Variants in ZFHX3 observed in about 807,000 individuals in gnomAD.
The protein encoded by ZFHX3 is zinc finger homeobox protein 3.
A neutral mutation model predicts 279.1 loss-of-function variants in ZFHX3; 42 were observed. The ratio of observed to expected loss-of-function variants is 0.15; its 90% CI spans 0.12 to 0.19. The LOEUF (loss-of-function observed/expected upper bound fraction) is 0.19. ZFHX3 is among the 10% of genes least tolerant of loss of function. The probability of loss-of-function intolerance (pLI) is 1.00; values close to 1 mark genes in which losing one functional copy is unlikely to be tolerated. For synonymous variants in ZFHX3, 2,293 were observed against 1,957.8 expected, an observed-to-expected ratio of 1.17 and a Z score of -4.52; for missense variants, 4,981 against 4,754.0, an observed-to-expected ratio of 1.05 and a Z score of -1.40.
intron 3 of ZFHX3, chr16:73,318,434 G>A (rs922730354): frequency 6.6e-6 from 1 of 152,112 alleles, no homozygotes; most frequent in East Asian, 1.9e-4. Context: ...CCCATACAGT[G>A]TAGAGCACTG....
intron 1 of ZFHX3, among the ~76,000 whole-genome samples, chr16:73,053,592 T>C (rs1965489438): frequency 6.6e-6 from 1 of 152,138 alleles, no homozygotes; most frequent in South Asian, 2.1e-4. Context: ...GATGAATCAC[T>C]GCGTGCCATG....
rs1176998641 is a variant in ZFHX3 at position 72,795,657 on chromosome 16, T to C, written c.7025A>G (p.Asp2342Gly). 3 of 1,613,918 alleles carry C rather than the reference T, an allele frequency of 1.9e-6. No individual in the cohort carries two copies. The highest frequency in any genetic ancestry group is 1.3e-5 in the African/African-American group (1 of 74,906). The change falls in exon 9 of 10, where the codon GAT becomes GGT. Residue 2342 changes from aspartate (D) to glycine (G), a missense_variant. Asp to Gly is a moderately conservative substitution (Grantham distance 94, BLOSUM62 -1). This residue lies in a region of ZFHX3 where 744 missense variants were observed against 701.3 expected (regional missense o/e 1.06). Coordinates refer to ENST00000268489, the MANE Select transcript of ZFHX3 (RefSeq NM_006885.4). ...CAGCTTCTTCTGGTGCTTGATGAGA[T>C]CAAAGATGCGCTGAAACACCAGGCT... Reference protein sequence around the residue: ...KCSLVFQRIFDLIKHQKKLCY... With the variant: ...KCSLVFQRIFGLIKHQKKLCY...
rs143652574 is a variant in ZFHX3, at chr16:73,249,824, TCA to T, written c.-1104+7221_-1104+7222del. Among the ~76,000 whole-genome samples the T allele has an allele frequency of 1.9e-3, 279 of 148,664 alleles. 1 individual carries two copies. The highest frequency in any genetic ancestry group is 6.3e-3 in the African/African-American group (252 of 40,234). On this transcript the variant is annotated intron_variant, in intron 5 of 17. Transcript: ENST00000641206. ...TGGGCAAATGAATTGAACAGGCACT[TCA>T]CACACACACACACACACACACACAA...
At chr16:73,565,149 G>T (rs549145768) in intron 2 of ZFHX3, among the ~76,000 whole-genome samples, 4 of 152,000 alleles carry the variant, frequency 2.6e-5, no homozygotes, top group Non-Finnish European at 5.9e-5. Context: ...AGCTATTCGG[G>T]AGGCTGAGAC....
intron 2 of ZFHX3, among the ~76,000 whole-genome samples, chr16:73,596,197 A>G (rs1408809714): frequency 6.6e-6 from 1 of 151,492 alleles, no homozygotes; most frequent in Non-Finnish European, 1.5e-5. Context: ...AATTTTTCGT[A>G]TTTTTAGTAG....
At chr16:73,085,033 G>T (rs946282494) in intron 8 of ZFHX3, among the ~76,000 whole-genome samples, 2 of 151,470 alleles carry the variant, frequency 1.3e-5, no homozygotes, top group Non-Finnish European at 2.9e-5. Flanking sequence ...ATTCTGCACA[G>T]AAATAGAAAA....
intron 4 of ZFHX3, among the ~76,000 whole-genome samples, chr16:73,317,815 C>A (rs2015488343): frequency 6.6e-6 from 1 of 152,138 alleles, no homozygotes; most frequent in African/African-American, 2.4e-5. Context: ...CAGGTTCACG[C>A]ATGGAGATGA....
intron 5 of ZFHX3, among the ~76,000 whole-genome samples, chr16:72,827,381 T>A (rs1007363991): frequency 1.3e-5 from 2 of 152,080 alleles, no homozygotes; most frequent in Non-Finnish European, 2.9e-5. Context: ...CAGAAATAGG[T>A]ACTATTTTTA....
intron 3 of ZFHX3, among the ~76,000 whole-genome samples, chr16:73,422,432 G>C (rs2017735398): frequency 1.3e-5 from 2 of 152,164 alleles, no homozygotes; most frequent in African/African-American, 2.4e-5. Flanking sequence ...GGGCCACCCT[G>C]TCTATCCATT....
At chr16:73,703,027 G>A (rs1567556059) in intron 1 of ZFHX3, among the ~76,000 whole-genome samples, 1 of 152,184 alleles carries the variant, frequency 6.6e-6, no homozygotes, top group African/African-American at 2.4e-5. Context: ...AGAAAGAGCT[G>A]AGAGCAAACA....
chr16:72,876,720 G>A (rs1465641399), intron 4 of ZFHX3, among the ~76,000 whole-genome samples: 2 of 152,112 alleles, frequency 1.3e-5, no homozygotes, highest in Non-Finnish European at 2.9e-5. Context: ...GTGAACCATA[G>A]CTTGCTGCTG....
chr16:73,476,757 G>T (rs1382225306), intron 2 of ZFHX3, among the ~76,000 whole-genome samples: 3 of 152,144 alleles, frequency 2.0e-5, no homozygotes, highest in Non-Finnish European at 4.4e-5. Flanking sequence ...ACAAAATTTA[G>T]TAACTTCATT....
chr16:73,863,915 T>A (rs1047300764), intron 1 of ZFHX3, among the ~76,000 whole-genome samples: 16 of 152,326 alleles, frequency 1.1e-4, no homozygotes, highest in Middle Eastern at 3.4e-3. Context: ...ATTTTTCAGA[T>A]AGAAAAATGA....
At chr16:72,803,631 G>C (rs1264007860) in intron 7 of ZFHX3, among the ~76,000 whole-genome samples, 2 of 152,104 alleles carry the variant, frequency 1.3e-5, no homozygotes, top group Non-Finnish European at 2.9e-5. Context: ...AAAGTTCTAA[G>C]GTTTGGCCAG....
intron 2 of ZFHX3, among the ~76,000 whole-genome samples, chr16:73,544,510 G>C (rs2020076711): frequency 6.6e-6 from 1 of 152,174 alleles, no homozygotes; most frequent in Non-Finnish European, 1.5e-5. Flanking sequence ...TTCCCTCCAC[G>C]GGTTTGGCCG....
intron 2 of ZFHX3, among the ~76,000 whole-genome samples, chr16:73,528,073 C>T (rs1315328114): frequency 1.3e-5 from 2 of 152,222 alleles, no homozygotes; most frequent in Admixed American, 6.5e-5. Flanking sequence ...AATTCAACTG[C>T]TCTACATTTT....
rs2143595732 is a variant in ZFHX3 at position 72,811,972 on chromosome 16, G to C, written c.3596C>G (p.Pro1199Arg). 2 of 1,614,160 alleles carry C rather than the reference G, an allele frequency of 1.2e-6. No homozygotes were observed. Among genetic ancestry groups the C allele is most frequent in the Non-Finnish European group, 1.7e-6 (2 of 1,180,042 alleles). Residue 1199 changes from proline (P) to arginine (R), a missense_variant, in exon 6 of 10, where the codon CCA becomes CGA. Transcript: ENST00000268489. ...AGAGAGGGGAGACTCTGAGCTACCTGGGAAGGAGATGCGTTTGGAGGTTGC... is the reference window on the plus strand; with the variant it reads ...AGAGAGGGGAGACTCTGAGCTACCTCGGAAGGAGATGCGTTTGGAGGTTGC... ...SPATSKRISF[P>R]GSSESPLSSK...
At chr16:73,647,216 G>A (rs921783797) in intron 2 of ZFHX3, among the ~76,000 whole-genome samples, 1 of 152,066 alleles carries the variant, frequency 6.6e-6, no homozygotes, top group Non-Finnish European at 1.5e-5. Context: ...GTTTCACCGT[G>A]TTAGCCAGGA....
chr16:72,871,790 T>C (rs1449062508), intron 4 of ZFHX3, among the ~76,000 whole-genome samples: 2 of 151,798 alleles, frequency 1.3e-5, no homozygotes, highest in East Asian at 2.0e-4. Context: ...ATTTTAAAAA[T>C]TTTTTAAGGA....
Sources: allele counts gnomAD v4.1 joint callset (sites outside exome capture counted in the v4.1 genomes callset), GRCh38; gene constraint gnomAD v4.1.1; regional missense constraint gnomAD v4.1.1; transcripts MANE v1.5; gene names NCBI Gene and HGNC (gene_info 2026-07-23, HGNC 2026-07-21).